Variants in RHOC observed in about 807,000 individuals in gnomAD.
RHOC encodes the protein rho-related GTP-binding protein RhoC.
Under a neutral mutation model 19.5 loss-of-function variants are expected in RHOC, and 13 were observed. The ratio of observed to expected loss-of-function variants is 0.67; its 90% CI spans 0.43 to 1.06. RHOC has a LOEUF of 1.06. Ranked by LOEUF, RHOC falls within the 50% of genes least tolerant of loss-of-function variation. RHOC has a pLI of 0.00. For synonymous variants in RHOC, 106 were observed against 97.3 expected (o/e 1.09, Z -0.52); for missense variants, 173 against 256.9 (o/e 0.67, Z 2.23).
intron 4 of RHOC, 21 bp downstream of exon 4, chr1:112,702,975 GTCC>G (rs1407323399): frequency 6.2e-7 from 1 of 1,612,970 alleles, no homozygotes; most frequent in African/African-American, 1.3e-5. Context: ...GGGGTTCTCA[GTCC>G]CCTCCCTCCA....
chr1:112,703,060 G>C lies in RHOC; in HGVS notation c.216C>G (p.Leu72=), dbSNP rs762307737. 3 of 1,614,108 alleles carry C rather than the reference G, an allele frequency of 1.9e-6. No individual in the cohort carries two copies. The highest frequency in any genetic ancestry group is 1.7e-6 in the Non-Finnish European group (2 of 1,180,052). The change falls in exon 4 of 6, where the codon CTC becomes CTG. Residue 72 remains leucine (L), a synonymous_variant. Transcript: ENST00000339083. ...GQEDYDRLRP[L]SYPDTDVILM... ...GGATGACATCAGTGTCCGGGTAGGA[G>C]AGAGGCCGCAGTCGATCATAGTCTT...
chr1:112,704,561 T>G (rs1674776887), intron 2 of RHOC: 1 of 168,030 alleles, frequency 6.0e-6, no homozygotes. Flanking sequence ...AGCAGGACTG[T>G]GTGACTCAAA....
Position 112,701,337 on chromosome 1 carries a change from G to T in RHOC, c.*203C>A, listed in dbSNP as rs1674617041. The T allele has an allele frequency of 1.4e-6, 2 of 1,435,090 alleles. No individual in the cohort carries two copies. The allele number at this position is 1,435,090 out of a possible 1,614,324, so 88.9% of individuals were successfully genotyped here. On this transcript the variant is annotated 3_prime_UTR_variant, in exon 6 of 6. Coordinates refer to ENST00000339083, the MANE Select transcript of RHOC (RefSeq NM_175744.5). Reference sequence around the variant, plus strand: ...AGATCCCCAGGGGCCCTGAGGAAGGGCAGGGCATAGGCGTGGCTCCCAGAG... The same window carrying T: ...AGATCCCCAGGGGCCCTGAGGAAGGTCAGGGCATAGGCGTGGCTCCCAGAG...
In RHOC at chr1:112,703,392, C is replaced by G. The variant is rs1278095730; in HGVS notation, c.156+252G>C. 7.0e-6 allele frequency: 5 copies of G among 716,120 alleles called. No individual in the cohort carries two copies. The African/African-American group carries it at 8.7e-5, about 12-fold the overall frequency. The allele number at this position is 716,120 out of a possible 1,614,324, so 44.4% of individuals were successfully genotyped here. A position where few individuals can be genotyped will look rare whatever the true frequency, so the allele number is the denominator to read the frequency against. On this transcript the variant is annotated intron_variant, in intron 3 of 5. Transcript: ENST00000339083. ...TTTGAGGGAGGTCTTACCATCATCC[C>G]CATTTTGCAGGTGGGGGAGCTTAAA... is the stretch of plus-strand genomic sequence containing the variant.
At chr1:112,703,313 C>T (rs1674725446) in intron 3 of RHOC, 194 bp from the exon 4 acceptor site, 4 of 733,728 alleles carry the variant, frequency 5.5e-6, no homozygotes, top group Non-Finnish European at 9.3e-6. Flanking sequence ...ACGTGTTTGA[C>T]CCTTGAGTTG....
intron 5 of RHOC, 151 bp from the exon 6 acceptor site, chr1:112,701,864 G>A (rs1346839668): frequency 5.4e-6 from 4 of 738,498 alleles, no homozygotes; most frequent in East Asian, 2.7e-5. Flanking sequence ...GGGCAGCTTC[G>A]TGGCCAGGGA....
chr1:112,701,670 A>G lies in RHOC; in HGVS notation c.452T>C (p.Ile151Thr), dbSNP rs1299248790. ...GCACTCAAGGTAGCCAAAGGCACTG[A>G]TCCGGTTCGCCATGTCCCGGCCTTC... ...SEEGRDMANRISAFGYLECSA... is the reference protein window; with the variant it reads ...SEEGRDMANRTSAFGYLECSA... The change falls in exon 6 of 6, where the codon ATC becomes ACC. Residue 151 changes from isoleucine to threonine, a missense_variant. Coordinates refer to ENST00000339083, the MANE Select transcript of RHOC (RefSeq NM_175744.5). The G allele has an allele frequency of 6.2e-7, 1 of 1,614,024 alleles. No homozygotes were observed. The highest frequency in any genetic ancestry group is 1.7e-5 in the Admixed American group (1 of 60,014).
chr1:112,706,497 CACACACACACACACACACA>C, intron 1 of RHOC, among the ~76,000 whole-genome samples: 1 of 45,446 alleles, frequency 2.2e-5, no homozygotes, highest in African/African-American at 7.4e-5. Flanking sequence ...CACACACACA[CACACACACACACACACACA>C]CACACACACA....
chr1:112,703,592 G>A (rs922627301), intron 3 of RHOC, 52 bp downstream of exon 3: 5 of 1,429,222 alleles, frequency 3.5e-6, no homozygotes, highest in Non-Finnish European at 4.9e-6. Flanking sequence ...GTCATTCAGT[G>A]ACTGGGGGGC....
chr1:112,704,991 C>T, intron 2 of RHOC, 109 bp downstream of exon 2: 2 of 666,154 alleles, frequency 3.0e-6, no homozygotes, highest in South Asian at 1.6e-5. Flanking sequence ...GTCAGCTTCC[C>T]GGGCTTCCAT....
chr1:112,706,487 CACACACACACA>C (rs1674883090), intron 1 of RHOC, among the ~76,000 whole-genome samples: 4 of 25,192 alleles, frequency 1.6e-4, no homozygotes, highest in Non-Finnish European at 1.5e-4. Flanking sequence ...CACACACACA[CACACACACACA>C]CACACACACA....
At chr1:112,702,919 G>C in intron 4 of RHOC, 80 bp downstream of exon 4, 37 of 1,254,542 alleles carry the variant, frequency 2.9e-5, no homozygotes, top group Non-Finnish European at 3.8e-5. Context: ...CACCTCTGAA[G>C]ATGACTGAAG....
At chr1:112,707,296 AC>A (rs1422739528), upstream of RHOC, 1 of 151,636 alleles carries the variant, frequency 6.6e-6, no homozygotes, top group Non-Finnish European at 1.5e-5. Context: ...AGGGGCGTCC[AC>A]CCCTCCAGGT....
intron 3 of RHOC, 48 bp downstream of exon 3, chr1:112,703,596 G>C (rs1335485274): frequency 1.9e-5 from 29 of 1,504,410 alleles, no homozygotes; most frequent in African/African-American, 2.7e-5. Flanking sequence ...TTCAGTGACT[G>C]GGGGGCGGGG....
rs1459664480 is a variant in RHOC at position 112,701,275 on chromosome 1, G to A, written c.*265C>T. 2 of 856,628 alleles carry A rather than the reference G, an allele frequency of 2.3e-6. No individual in the cohort carries two copies. The highest frequency in any genetic ancestry group is 2.9e-5 in the Admixed American group (1 of 34,938). 53.1% of individuals were successfully genotyped at this position (856,628 alleles called of 1,614,324 possible). A position where few individuals can be genotyped will look rare whatever the true frequency, so the allele number is the denominator to read the frequency against. ...TGAGCCAGAAGTGTATAAAGTGCTG[G>A]TGTGTGACCATCCTTTGGGGAAGGT... On this transcript the variant is annotated 3_prime_UTR_variant, in exon 6 of 6. Coordinates refer to ENST00000339083, the MANE Select transcript of RHOC (RefSeq NM_175744.5).
chr1:112,701,921 C>T (rs1454128008), intron 5 of RHOC, among the ~76,000 whole-genome samples: 2 of 152,082 alleles, frequency 1.3e-5, no homozygotes, highest in East Asian at 1.9e-4. Context: ...TGCAGCCCCA[C>T]CTCCTCCCAC....
At chr1:112,706,454 CACACACACACCACACACACA>C (rs1674857812) in intron 1 of RHOC, among the ~76,000 whole-genome samples, 8 of 95,410 alleles carry the variant, frequency 8.4e-5, no homozygotes, top group Admixed American at 3.9e-4. Flanking sequence ...CACACACACA[CACACACACACCACACACACA>C]CACACACACA....
At chr1:112,707,196 T>G (rs995282427), upstream of RHOC, 4 of 147,548 alleles carry the variant, frequency 2.7e-5, no homozygotes, top group African/African-American at 5.0e-5. Flanking sequence ...AGGGGGAGGG[T>G]CGGCCGGGGG....
At chr1:112,705,908 G>T (rs866708960) in intron 1 of RHOC, 9 of 338,922 alleles carry the variant, frequency 2.7e-5, no homozygotes, top group African/African-American at 1.9e-4. Context: ...CAGAAACCCG[G>T]GGTTGAGGCA....
Sources: allele counts gnomAD v4.1 joint callset (sites outside exome capture counted in the v4.1 genomes callset), GRCh38; gene constraint gnomAD v4.1.1; transcripts MANE v1.5; gene names NCBI Gene and HGNC (gene_info 2026-07-23, HGNC 2026-07-21).